UNC13B: variants seen among roughly 807,000 people sequenced by gnomAD.
UNC13B encodes protein unc-13 homolog B.
UNC13B carries 144 observed loss-of-function variants against 211.0 expected under a neutral mutation model. The observed-to-expected ratio is 0.68, with a 90% CI of 0.60 to 0.78. The LOEUF is 0.78. Among genes scored for constraint, UNC13B ranks in the 30% least tolerant of loss-of-function variants. UNC13B has a pLI of 0.00. For synonymous variants in UNC13B, 709 were observed against 725.8 expected, an observed-to-expected ratio of 0.98 and a Z score of 0.37; for missense variants, 1,777 against 2,002.0, an observed-to-expected ratio of 0.89 and a Z score of 2.14.
chr9:35,370,419 G>A, intron 13 of UNC13B, 23 bp downstream of exon 13: 1 of 1,611,376 alleles, frequency 6.2e-7, no homozygotes, highest in South Asian at 1.1e-5. Flanking sequence ...TCTTGTGCAG[G>A]CATAGGCAGT....
intron 1 of UNC13B, among the ~76,000 whole-genome samples, chr9:35,197,492 G>A (rs1219682888): frequency 1.3e-5 from 2 of 152,328 alleles, no homozygotes; most frequent in East Asian, 3.9e-4. Flanking sequence ...ACAGGCCAGA[G>A]CCACTACACC....
chr9:35,250,123 T>G (rs1420375474), intron 6 of UNC13B, among the ~76,000 whole-genome samples: 1 of 152,222 alleles, frequency 6.6e-6, no homozygotes, highest in Non-Finnish European at 1.5e-5. Flanking sequence ...AGTTTTTATC[T>G]TTCGTCTTTC....
intron 1 of UNC13B, among the ~76,000 whole-genome samples, chr9:35,166,585 G>C (rs1159036499): frequency 6.6e-6 from 1 of 151,900 alleles, no homozygotes; most frequent in Admixed American, 6.6e-5. Flanking sequence ...TCAAGTGACT[G>C]TCTTTTCTCA....
chr9:35,199,472 A>G (rs961165586), intron 1 of UNC13B, among the ~76,000 whole-genome samples: 3 of 152,098 alleles, frequency 2.0e-5, no homozygotes, highest in African/African-American at 4.8e-5. Flanking sequence ...GTGTAAAAGC[A>G]TTCCTATTTC....
chr9:35,179,211 C>T (rs935774667), intron 1 of UNC13B, among the ~76,000 whole-genome samples: 3 of 151,996 alleles, frequency 2.0e-5, no homozygotes, highest in Non-Finnish European at 4.4e-5. Flanking sequence ...GGAAAGATGG[C>T]TGTTATGCAT....
chr9:35,307,182 A>G lies in UNC13B; in HGVS notation c.7778A>G (p.Asp2593Gly). 1 of 399,006 alleles carries G rather than the reference A, an allele frequency of 2.5e-6. No individual in the cohort carries two copies. The highest frequency in any genetic ancestry group is 3.6e-5 in the East Asian group (1 of 28,080). 24.7% of individuals were successfully genotyped at this position (399,006 alleles called of 1,614,324 possible). ...CCTAAACTAACAACCAAAATGGAAG[A>G]CAATAATACTCCTGAAAATATTCTG... is the stretch of plus-strand genomic sequence containing the variant. ...DDPKLTTKME[D>G]NNTPENILEP... Residue 2593 changes from aspartate to glycine, a missense_variant, in exon 9 of 40, where the codon GAC becomes GGC. Coordinates refer to ENST00000635942, the MANE Select transcript of UNC13B (RefSeq NM_001371189.2).
intron 11 of UNC13B, among the ~76,000 whole-genome samples, chr9:35,336,942 A>G (rs767344415): frequency 2.0e-5 from 3 of 152,192 alleles, no homozygotes; most frequent in African/African-American, 4.8e-5. Context: ...GGCACTCTAC[A>G]TAGGGCCATC....
intron 8 of UNC13B, among the ~76,000 whole-genome samples, chr9:35,299,002 C>T (rs1434604483): frequency 2.0e-5 from 3 of 152,034 alleles, no homozygotes; most frequent in African/African-American, 4.8e-5. Context: ...AGGCTGAGGG[C>T]GGGTGGATCA....
intron 11 of UNC13B, among the ~76,000 whole-genome samples, chr9:35,332,479 T>G (rs1831428552): frequency 6.6e-6 from 1 of 152,178 alleles, no homozygotes; most frequent in Admixed American, 6.5e-5. Context: ...TATTCTTCCT[T>G]CTCTCTTGCC....
At chr9:35,179,116 TAACTA>T (rs1821794613) in intron 1 of UNC13B, among the ~76,000 whole-genome samples, 5 of 152,294 alleles carry the variant, frequency 3.3e-5, no homozygotes, top group African/African-American at 1.2e-4. Context: ...GCTTTACTCT[TAACTA>T]TACAATACAA....
intron 6 of UNC13B, among the ~76,000 whole-genome samples, chr9:35,249,320 CTG>C: frequency 6.6e-6 from 1 of 152,278 alleles, no homozygotes; most frequent in East Asian, 1.9e-4. Flanking sequence ...ATTTGCCAGT[CTG>C]TGTCTTTTAA....
rs1267360028 is a variant in UNC13B at position 35,257,312 on chromosome 9, TAAATATTTATAA to T, written c.469-1669_469-1658del. Among the ~76,000 whole-genome samples the T allele has an allele frequency of 2.0e-4, 28 of 136,734 alleles. 1 individual carries two copies. Among genetic ancestry groups the T allele is most frequent in the Admixed American group, 4.5e-4 (6 of 13,346 alleles). The allele number at this position is 136,734 out of a possible 152,430, so 89.7% of individuals were successfully genotyped here. ...CCATTTTTTATATTTATAAAAAATATAAATATTTATAAAAATATTTATATAAATATTTATAAA... is the reference window on the plus strand; with the variant it reads ...CCATTTTTTATATTTATAAAAAATATAAATATTTATATAAATATTTATAAA... On this transcript the variant is annotated intron_variant, in intron 6 of 39. Transcript: ENST00000635942.
chr9:35,289,128 G>A (rs545944829), intron 7 of UNC13B, among the ~76,000 whole-genome samples: 3 of 152,134 alleles, frequency 2.0e-5, no homozygotes, highest in African/African-American at 4.8e-5. Context: ...ATAGGTGGTC[G>A]GAATAAAGTA....
chr9:35,257,097 A>G (rs549357256), intron 6 of UNC13B, among the ~76,000 whole-genome samples: 5 of 151,844 alleles, frequency 3.3e-5, no homozygotes, highest in African/African-American at 1.2e-4. Flanking sequence ...AATCATAATT[A>G]TTTGTAGTGG....
chr9:35,196,598 A>T (rs1822955239), intron 1 of UNC13B, among the ~76,000 whole-genome samples: 1 of 151,962 alleles, frequency 6.6e-6, no homozygotes. Context: ...CAGGGTTTTC[A>T]TATTGGCTGG....
intron 7 of UNC13B, among the ~76,000 whole-genome samples, chr9:35,269,629 A>G (rs953901939): frequency 6.6e-6 from 1 of 152,182 alleles, no homozygotes; most frequent in African/African-American, 2.4e-5. Context: ...ACTAGCCTCC[A>G]TCCTCCAGGA....
chr9:35,381,710 A>G lies in UNC13B; in HGVS notation c.10646A>G (p.Gln3549Arg), dbSNP rs778438927. 4.3e-6 allele frequency: 7 copies of G among 1,614,036 alleles called. No individual in the cohort carries two copies. Among genetic ancestry groups the G allele is most frequent in the Non-Finnish European group, 5.9e-6 (7 of 1,179,918 alleles). Residue 3549 changes from glutamine (Q) to arginine (R), a missense_variant, in exon 20 of 40, where the codon CAG becomes CGG. Coordinates refer to ENST00000635942, the MANE Select transcript of UNC13B (RefSeq NM_001371189.2). ...CGTTATGGCATTGAGTCCATATATC[A>G]GGCCATGACGTGAGTCTCTGCTGCG... ...AMRYGIESIYQAMTHFACLSS... is the reference protein window; with the variant it reads ...AMRYGIESIYRAMTHFACLSS...
chr9:35,338,905 G>A (rs1224165962), intron 11 of UNC13B, among the ~76,000 whole-genome samples: 1 of 152,202 alleles, frequency 6.6e-6, no homozygotes, highest in Non-Finnish European at 1.5e-5. Flanking sequence ...TATGAGTAGG[G>A]AGAATTGTGA....
At chr9:35,227,994 A>G in intron 1 of UNC13B, 21 bp from the exon 2 acceptor site, 1 of 1,609,686 alleles carries the variant, frequency 6.2e-7, no homozygotes, top group South Asian at 1.1e-5. Flanking sequence ...TCTTCATGGT[A>G]TCCTCTTTTT....
Sources: gnomAD v4.1 joint callset for allele counts (sites outside exome capture counted in the v4.1 genomes callset) on GRCh38, gnomAD v4.1.1 for gene constraint, MANE v1.5 for transcripts, NCBI Gene and HGNC (gene_info 2026-07-23, HGNC 2026-07-21) for gene names.